STRA8: variants seen among roughly 807,000 people sequenced by gnomAD.
STRA8 encodes stimulated by retinoic acid gene 8 protein homolog.
STRA8 carries 18 observed loss-of-function variants against 37.1 expected under a neutral mutation model. That is an observed-to-expected ratio of 0.48 (90% confidence interval 0.34 to 0.72). The LOEUF (loss-of-function observed/expected upper bound fraction) is 0.72, where lower values mean the gene tolerates loss of function less well. STRA8 is among the 30% of genes least tolerant of loss of function. STRA8 has a pLI of 0.01. For missense variants in STRA8, 357 were observed against 410.4 expected (o/e 0.87, Z 1.13); for synonymous variants, 168 against 162.9 (o/e 1.03, Z -0.24).
intron 6 of STRA8, among the ~76,000 whole-genome samples, chr7:135,250,136 A>C (rs928051640): frequency 1.3e-5 from 2 of 152,168 alleles, no homozygotes; most frequent in Non-Finnish European, 2.9e-5. Flanking sequence ...GCACGGTCAG[A>C]TGGGCCCAGG....
At chr7:135,232,773 C>T (rs1832312336), upstream of STRA8, among the ~76,000 whole-genome samples, 1 of 152,196 alleles carries the variant, frequency 6.6e-6, no homozygotes, top group Admixed American at 6.5e-5. Context: ...TACCCTACTG[C>T]GTGCTTTCCG....
chr7:135,246,410 G>A lies in STRA8; in HGVS notation c.594-7G>A. The A allele has an allele frequency of 6.3e-7, 1 of 1,597,558 alleles. No homozygotes were observed. The highest frequency in any genetic ancestry group is 2.3e-5 in the East Asian group (1 of 44,350). On this transcript the variant is annotated splice_polypyrimidine_tract_variant and splice_region_variant and intron_variant, in intron 5 of 8. Coordinates refer to ENST00000662584, the MANE Select transcript of STRA8 (RefSeq NM_001394401.1). This position sits in a 1 kb window ranked among gnomAD's most constrained non-coding sequence, Gnocchi z 5.4. Reference sequence around the variant, plus strand: ...AGGGGTGCGAGACGGCGCCGCTTCTGTTCCAGGTATCTCAACTTTTACAAA... The same window carrying A: ...AGGGGTGCGAGACGGCGCCGCTTCTATTCCAGGTATCTCAACTTTTACAAA...
intron 6 of STRA8, among the ~76,000 whole-genome samples, chr7:135,247,533 TAAGG>T: frequency 6.6e-6 from 1 of 152,290 alleles, no homozygotes; most frequent in Middle Eastern, 3.4e-3. Context: ...TCTTAAGAGT[TAAGG>T]AAGAACTTTT....
intron 1 of STRA8, among the ~76,000 whole-genome samples, chr7:135,235,457 T>C (rs2117782372): frequency 6.6e-6 from 1 of 150,900 alleles, no homozygotes; most frequent in South Asian, 2.1e-4. Flanking sequence ...TTTTTTTTTT[T>C]TAAGACAGAG....
At chr7:135,258,395 CT>C (rs1562975836) in intron 8 of STRA8, 22 bp from the exon 9 acceptor site, 1 of 1,582,426 alleles carries the variant, frequency 6.3e-7, no homozygotes, top group Admixed American at 1.8e-5. Context: ...AAAAGTGACC[CT>C]CTTCCACCCT....
At chr7:135,233,305 T>C (rs1278283500), upstream of STRA8, among the ~76,000 whole-genome samples, 2 of 152,216 alleles carry the variant, frequency 1.3e-5, no homozygotes, top group African/African-American at 4.8e-5. Flanking sequence ...TCCTGCCTTA[T>C]TTAAAATGCT....
chr7:135,241,386 C>T (rs940092860), intron 2 of STRA8, among the ~76,000 whole-genome samples: 15 of 152,158 alleles, frequency 9.9e-5, no homozygotes, highest in African/African-American at 3.1e-4. Flanking sequence ...CCCCTCAAGT[C>T]TCCTTTTTAG....
chr7:135,233,424 G>A (rs1244444088), upstream of STRA8, among the ~76,000 whole-genome samples: 4 of 152,014 alleles, frequency 2.6e-5, no homozygotes, highest in Non-Finnish European at 5.9e-5. Flanking sequence ...GGGGTTTTCC[G>A]TAACCCTCAG....
Position 135,246,749 on chromosome 7 carries a change from C to T in STRA8, c.879+47C>T. The T allele has an allele frequency of 6.8e-7, 1 of 1,472,046 alleles. No individual in the cohort carries two copies. The highest frequency in any genetic ancestry group is 8.9e-7 in the Non-Finnish European group (1 of 1,119,380). The allele number at this position is 1,472,046 out of a possible 1,614,324, so 91.2% of individuals were successfully genotyped here. ...GCGTGGATGGGGCACGGGAACCACC[C>T]TCGCCCTCGCCTGGGGACACCAGGG... On this transcript the variant is annotated intron_variant, in intron 6 of 8. Transcript: ENST00000662584. The surrounding 1 kb of genome is among the most constrained non-coding windows in gnomAD (Gnocchi z 5.4).
chr7:135,240,387 G>A, intron 1 of STRA8, 132 bp from the exon 2 acceptor site: 3 of 787,120 alleles, frequency 3.8e-6, no homozygotes, highest in Non-Finnish European at 6.1e-6. Flanking sequence ...CTGAATTCAT[G>A]AGGGAGTGAA....
At position 135,258,400 on chromosome 7, in the gene STRA8, C is replaced by T. The variant is rs370854238; in HGVS notation, c.1066-18C>T. The T allele has an allele frequency of 1.9e-4, 302 of 1,588,438 alleles. 3 individuals are homozygous for T. The highest frequency in any genetic ancestry group is 2.7e-5 in the Non-Finnish European group (32 of 1,166,042). ...CCCACAGATAAAAAGTGACCCTCTT[C>T]CACCCTGTGTCTTGCAGGAAGCATC... On this transcript the variant is annotated intron_variant, in intron 8 of 8. Transcript: ENST00000662584.
rs1205068077 is a variant in STRA8, at chr7:135,246,487, G to A, written c.664G>A (p.Ala222Thr). 2 of 1,585,034 alleles carry A rather than the reference G, an allele frequency of 1.3e-6. No homozygotes were observed. Among genetic ancestry groups the A allele is most frequent in the East Asian group, 2.3e-5 (1 of 43,312 alleles). Residue 222 changes from alanine to threonine, a missense_variant, in exon 6 of 9, where the codon GCG becomes ACG. Ala to Thr is a moderately conservative substitution (Grantham distance 58). Coordinates refer to ENST00000662584, the MANE Select transcript of STRA8 (RefSeq NM_001394401.1). This position sits in a 1 kb window ranked among gnomAD's most constrained non-coding sequence, Gnocchi z 5.4. Reference protein sequence around the residue: ...GSGIITPQEAALPIVSAAISH... With the variant: ...GSGIITPQEATLPIVSAAISH... ...CGGGATCATTACCCCGCAGGAGGCG[G>A]CGCTGCCCATCGTCTCCGCGGCCAT...
chr7:135,254,443 A>G (rs995009978), intron 7 of STRA8, among the ~76,000 whole-genome samples: 1 of 152,138 alleles, frequency 6.6e-6, no homozygotes, highest in Admixed American at 6.5e-5. Flanking sequence ...CAGGGTCCAC[A>G]TTGCAGGGCC....
chr7:135,255,056 A>C, intron 7 of STRA8, 58 bp from the exon 8 acceptor site: 2 of 1,348,306 alleles, frequency 1.5e-6, no homozygotes, highest in Non-Finnish European at 1.1e-6. Flanking sequence ...AGGGGGAAGC[A>C]GAGTTGAAAG....
upstream of STRA8, chr7:135,232,124 C>CTGGGGTGGG: frequency 1.6e-6 from 1 of 615,386 alleles, no homozygotes. Context: ...GTGGTTGGGG[C>CTGGGGTGGG]GGGAGGTGGG....
chr7:135,237,816 C>T (rs1426039085), intron 1 of STRA8, among the ~76,000 whole-genome samples: 8 of 151,876 alleles, frequency 5.3e-5, no homozygotes, highest in African/African-American at 1.7e-4. Flanking sequence ...CGCTTGAACC[C>T]GGGAGGCAGA....
intron 6 of STRA8, among the ~76,000 whole-genome samples, chr7:135,247,897 C>T (rs1295216979): frequency 6.6e-6 from 1 of 152,354 alleles, no homozygotes; most frequent in Admixed American, 6.5e-5. Flanking sequence ...CTCTACCACA[C>T]GGCCCACGCT....
chr7:135,242,135 AAGGG>A (rs1179282208), intron 2 of STRA8, among the ~76,000 whole-genome samples: 2 of 100,536 alleles, frequency 2.0e-5, no homozygotes, highest in Non-Finnish European at 2.1e-5. Flanking sequence ...GGAAGGGAGG[AAGGG>A]AGGAAGGAAG....
In STRA8 at chr7:135,256,361, G is replaced by GGACCAGTTGTCCCCTC. The variant is rs570265736; in HGVS notation, c.1065+1137_1065+1152dup. Among the ~76,000 whole-genome samples the GGACCAGTTGTCCCCTC allele has an allele frequency of 5.7e-3, 869 of 152,230 alleles. 7 individuals carry two copies. The highest frequency in any genetic ancestry group is 0.023 in the South Asian group (113 of 4,820). On this transcript the variant is annotated intron_variant, in intron 8 of 8. Coordinates refer to ENST00000662584, the MANE Select transcript of STRA8 (RefSeq NM_001394401.1). The stretch of plus-strand genomic sequence containing the variant: ...ACCAATCCTTGGGTGACAGTCCCCT[G>GGACCAGTTGTCCCCTC]GACCAGTTGTCCCCTCTTTCTCTCA...
Sources: allele counts gnomAD v4.1 joint callset (sites outside exome capture counted in the v4.1 genomes callset), GRCh38; gene constraint gnomAD v4.1.1; non-coding constraint Gnocchi (gnomAD v3.1); transcripts MANE v1.5; gene names NCBI Gene and HGNC (gene_info 2026-07-23, HGNC 2026-07-21).